The following GBA2 variants were observed in gnomAD, a reference collection of about 807,000 sequenced individuals.
GBA2 encodes non-lysosomal glucosylceramidase.
In GBA2, 79 loss-of-function variants were observed where a neutral mutation model predicts 112.9. The ratio of observed to expected loss-of-function variants is 0.70; its 90% CI spans 0.58 to 0.84. GBA2 has a LOEUF of 0.84. Among genes scored for constraint, GBA2 ranks in the 40% least tolerant of loss-of-function variants. GBA2 has a pLI of 0.00. For missense variants in GBA2, 1,043 were observed against 1,190.0 expected (o/e 0.88, Z 1.82); for synonymous variants, 403 against 434.3 (o/e 0.93, Z 0.90).
chr9:35,738,855 G>T lies in GBA2; in HGVS notation c.1844C>A (p.Ala615Asp). The T allele has an allele frequency of 6.2e-7, 1 of 1,613,808 alleles. No individual in the cohort carries two copies. The highest frequency in any genetic ancestry group is 2.2e-5 in the East Asian group (1 of 44,888). Residue 615 changes from alanine to aspartate, a missense_variant, in exon 12 of 17, where the codon GCT becomes GAT. Ala to Asp is a moderately radical substitution (Grantham distance 126, BLOSUM62 -2). Coordinates refer to ENST00000378103, the MANE Select transcript of GBA2 (RefSeq NM_020944.3). ...CTTCAGGTTCAGGTCCTTCCAATCA[G>T]CAGTATCATGGATTAAATATGCATT... The part of the protein sequence containing the change: ...RVNAYLIHDT[A>D]DWKDLNLKFV...
In GBA2 at chr9:35,744,690, AC is replaced by A; in HGVS notation, c.375del (p.Trp125CysfsTer16). On this transcript the variant is annotated frameshift_variant, in exon 2 of 17. Transcript: ENST00000378103. LOFTEE classifies it high-confidence loss of function. ...IGMGLRYLQW[W>X]YRKTHVEKKT... Reference sequence around the variant, plus strand: ...TTCTTTTCCACATGGGTCTTCCGGTACCACCACTGCAGGTACCTGAGGAGCA... The same window carrying A: ...TTCTTTTCCACATGGGTCTTCCGGTACACCACTGCAGGTACCTGAGGAGCA... 6.2e-7 allele frequency: 1 copy of A among 1,602,350 alleles called. No individual in the cohort carries two copies. Among genetic ancestry groups the A allele is most frequent in the Non-Finnish European group, 8.6e-7 (1 of 1,169,266 alleles).
intron 3 of GBA2, 175 bp from the exon 4 acceptor site, chr9:35,742,065 CATCT>C (rs1826723662): frequency 4.8e-6 from 3 of 630,794 alleles, no homozygotes; most frequent in East Asian, 2.7e-5. Flanking sequence ...CCTCCCCATC[CATCT>C]ATCTCCCAAG....
At position 35,740,446 on chromosome 9, in the gene GBA2, T is replaced by C; in HGVS notation, c.1129+80A>G. The C allele has an allele frequency of 6.4e-7, 1 of 1,566,402 alleles. No individual in the cohort carries two copies. Among genetic ancestry groups the C allele is most frequent in the Non-Finnish European group, 8.8e-7 (1 of 1,140,996 alleles). On this transcript the variant is annotated intron_variant, in intron 6 of 16. Coordinates refer to ENST00000378103, the MANE Select transcript of GBA2 (RefSeq NM_020944.3). The surrounding 1 kb of genome is among the most constrained non-coding windows in gnomAD (Gnocchi z 4.7). ...CCCTAACATGGAAACAAGGCCTACT[T>C]ATTACCAGGCCTCCCACCCCTGGTC...
At chr9:35,742,193 T>C (rs1826730550) in intron 3 of GBA2, among the ~76,000 whole-genome samples, 1 of 152,142 alleles carries the variant, frequency 6.6e-6, no homozygotes, top group African/African-American at 2.4e-5. Flanking sequence ...CACAGGCAAA[T>C]CAAGATATGT....
chr9:35,748,305 A>T lies in GBA2; in HGVS notation c.359+41T>A, dbSNP rs773808632. On this transcript the variant is annotated intron_variant, in intron 1 of 16. Transcript: ENST00000378103. ...CTGCTAGAAGTTTTGAGCTGGAACA[A>T]AGTGAAGCCAAAGGCATTCTAGGCA... The T allele has an allele frequency of 9.5e-6, 12 of 1,269,134 alleles. 1 individual carries two copies. The South Asian group carries it at 1.6e-4, about 17-fold the overall frequency. The allele number at this position is 1,269,134 out of a possible 1,614,324, so 78.6% of individuals were successfully genotyped here.
chr9:35,740,684 C>A lies in GBA2; in HGVS notation c.1027-56G>T. 1 of 1,527,874 alleles carries A rather than the reference C, an allele frequency of 6.5e-7. No individual in the cohort carries two copies. The highest frequency in any genetic ancestry group is 9.1e-7 in the Non-Finnish European group (1 of 1,103,916). The allele number at this position is 1,527,874 out of a possible 1,614,324, so 94.6% of individuals were successfully genotyped here. Reference sequence around the variant, plus strand: ...GCTCCACGAGTACACTGGGTCCCGGCTAGCTCCCCAGCTCCTCTTACTTAC... The same window carrying A: ...GCTCCACGAGTACACTGGGTCCCGGATAGCTCCCCAGCTCCTCTTACTTAC... On this transcript the variant is annotated intron_variant, in intron 5 of 16. Transcript: ENST00000378103. This position sits in a 1 kb window ranked among gnomAD's most constrained non-coding sequence, Gnocchi z 4.7.
At chr9:35,745,372 G>A (rs771943544) in intron 1 of GBA2, among the ~76,000 whole-genome samples, 34 of 152,144 alleles carry the variant, frequency 2.2e-4, no homozygotes, top group Non-Finnish European at 4.4e-4. Context: ...TGATCCGCCC[G>A]CCTCGGCCTC....
At chr9:35,743,911 C>CGA (rs1453738886) in intron 3 of GBA2, among the ~76,000 whole-genome samples, 1 of 152,010 alleles carries the variant, frequency 6.6e-6, no homozygotes, top group African/African-American at 2.4e-5. Context: ...GTCTTTTTTT[C>CGA]CCATGAGTTT....
rs1193138650 is a variant in GBA2, at chr9:35,737,861, T to C, written c.2392A>G (p.Met798Val). 2.5e-6 allele frequency: 4 copies of C among 1,613,588 alleles called. No individual in the cohort carries two copies. Among genetic ancestry groups the C allele is most frequent in the African/African-American group, 1.3e-5 (1 of 74,918 alleles). The part of the protein sequence containing the change: ...LNVQAFAGGA[M>V]GAVNGMQPHG... ...GGCTGCATCCCATTCACAGCCCCCA[T>C]GGCCCCTCCTGCAAAGGCCTGGACG... The change falls in exon 16 of 17, where the codon ATG becomes GTG. Residue 798 changes from methionine to valine, a missense_variant. Met to Val is a conservative substitution (Grantham distance 21, BLOSUM62 1). Coordinates refer to ENST00000378103, the MANE Select transcript of GBA2 (RefSeq NM_020944.3). This position sits in a 1 kb window ranked among gnomAD's most constrained non-coding sequence, Gnocchi z 4.1.
chr9:35,748,976 C>G lies in GBA2; in HGVS notation c.-272G>C, dbSNP rs989712963. ...GTCGTCATTGAGCCGACGATTAGCTCGCCCGGCCAAAGGGCGACTGGGCCC... is the reference window on the plus strand; with the variant it reads ...GTCGTCATTGAGCCGACGATTAGCTGGCCCGGCCAAAGGGCGACTGGGCCC... On this transcript the variant is annotated 5_prime_UTR_variant, in exon 1 of 17. Coordinates refer to ENST00000378103, the MANE Select transcript of GBA2 (RefSeq NM_020944.3). 6.3e-6 allele frequency: 2 copies of G among 319,050 alleles called. No homozygotes were observed. The highest frequency in any genetic ancestry group is 4.3e-5 in the African/African-American group (2 of 46,492). 19.8% of individuals were successfully genotyped at this position (319,050 alleles called of 1,614,324 possible).
At chr9:35,745,395 G>A (rs969259585) in intron 1 of GBA2, among the ~76,000 whole-genome samples, 19 of 152,126 alleles carry the variant, frequency 1.2e-4, no homozygotes, top group African/African-American at 4.3e-4. Flanking sequence ...AAAGTGCTGG[G>A]ATTAGAGGCG....
Position 35,738,046 on chromosome 9 carries a change from T to G in GBA2, c.2304A>C (p.Gly768=), listed in dbSNP as rs745609492. The change falls in exon 15 of 17, where the codon GGA becomes GGC. Residue 768 remains glycine (G), a synonymous_variant. Coordinates refer to ENST00000378103, the MANE Select transcript of GBA2 (RefSeq NM_020944.3). ...WFLKACGLGE[G]DTEVFPTQHV... ...CCTCCTCCTCTCTCACCTCAGTGTCTCCTTCTCCTAGGCCACAGGCCTTCA... is the reference window on the plus strand; with the variant it reads ...CCTCCTCCTCTCTCACCTCAGTGTCGCCTTCTCCTAGGCCACAGGCCTTCA... The G allele has an allele frequency of 6.2e-7, 1 of 1,608,376 alleles. No individual in the cohort carries two copies. The highest frequency in any genetic ancestry group is 2.2e-5 in the East Asian group (1 of 44,764).
In GBA2 at chr9:35,746,981, G is replaced by C. The variant is rs934102129; in HGVS notation, c.359+1365C>G. Reference sequence around the variant, plus strand: ...GTGCCCACAGTTCAGCTCCATCTTAGGAGCTCTCTTACTCCCTTAATATGG... The same window carrying C: ...GTGCCCACAGTTCAGCTCCATCTTACGAGCTCTCTTACTCCCTTAATATGG... On this transcript the variant is annotated intron_variant, in intron 1 of 16. Transcript: ENST00000378103. The surrounding 1 kb of genome is among the most constrained non-coding windows in gnomAD (Gnocchi z 5.2). Among the ~76,000 whole-genome samples the C allele has an allele frequency of 5.9e-5, 9 of 152,130 alleles. No individual in the cohort carries two copies. The highest frequency in any genetic ancestry group is 3.3e-4 in the Admixed American group (5 of 15,280).
rs1299275851 is a variant in GBA2 at position 35,737,620 on chromosome 9, G to A, written c.2505+128C>T. On this transcript the variant is annotated intron_variant, in intron 16 of 16. Coordinates refer to ENST00000378103, the MANE Select transcript of GBA2 (RefSeq NM_020944.3). This position sits in a 1 kb window ranked among gnomAD's most constrained non-coding sequence, Gnocchi z 4.1. ...AAGGCAGGAGCTGGAATGCATACCA[G>A]GGAAAAATGGGAGGCTTTATAGACG... is the stretch of plus-strand genomic sequence containing the variant. 1 of 1,581,338 alleles carries A rather than the reference G, an allele frequency of 6.3e-7. No individual in the cohort carries two copies. Among genetic ancestry groups the A allele is most frequent in the Non-Finnish European group, 8.6e-7 (1 of 1,162,652 alleles).
chr9:35,737,200 T>C lies in GBA2; in HGVS notation c.2753A>G (p.Lys918Arg). The change falls in exon 17 of 17, where the codon AAG becomes AGG. Residue 918 changes from lysine (K) to arginine (R), a missense_variant. By Grantham distance (26) the Lys-to-Arg change is conservative. Coordinates refer to ENST00000378103, the MANE Select transcript of GBA2 (RefSeq NM_020944.3). This position sits in a 1 kb window ranked among gnomAD's most constrained non-coding sequence, Gnocchi z 4.1. The part of the protein sequence containing the change: ...GLRTGPMFGP[K>R]EAMANLSPE ...TGGGCTCAGGTTTGCCATGGCTTCC[T>C]TTGGTCCAAACATAGGCCCTGTCCT... 6.2e-7 allele frequency: 1 copy of C among 1,610,500 alleles called. No individual in the cohort carries two copies.
rs757341992 is a variant in GBA2, at chr9:35,740,083, G to C, written c.1324C>G (p.Pro442Ala). 3.7e-6 allele frequency: 6 copies of C among 1,614,002 alleles called. No individual in the cohort carries two copies. Among genetic ancestry groups the C allele is most frequent in the Non-Finnish European group, 5.1e-6 (6 of 1,179,998 alleles). Residue 442 changes from proline (P) to alanine (A), a missense_variant, in exon 8 of 17, where the codon CCT becomes GCT. Physicochemically the swap from Pro to Ala is conservative, Grantham distance 27. Transcript: ENST00000378103. The surrounding 1 kb of genome is among the most constrained non-coding windows in gnomAD (Gnocchi z 4.7). ...CACAGTGCATAGTGGCTGAGGGCAG[G>C]TGCTGCATCTCCATCCTGGCCAAAG... ...RFFGQDGDAA[P>A]ALSHYALCRY... is the part of the protein sequence containing the mutation.
chr9:35,748,760 T>C lies in GBA2; in HGVS notation c.-56A>G, dbSNP rs370614209. On this transcript the variant is annotated 5_prime_UTR_variant, in exon 1 of 17. Transcript: ENST00000378103. The stretch of plus-strand genomic sequence containing the variant: ...GGATACTAAGTATCTCGCCAGCCTA[T>C]TCCAGATGCGGGCGCCGGTCGTTGT... 2.1e-4 allele frequency: 236 copies of C among 1,126,052 alleles called. No individual in the cohort carries two copies. In the East Asian group the frequency reaches 5.7e-3, roughly 27 times the overall value. The allele number at this position is 1,126,052 out of a possible 1,614,324, so 69.8% of individuals were successfully genotyped here.
chr9:35,737,213 T>C lies in GBA2; in HGVS notation c.2740A>G (p.Met914Val), dbSNP rs772120225. 2 of 1,612,206 alleles carry C rather than the reference T, an allele frequency of 1.2e-6. No homozygotes were observed. Among genetic ancestry groups the C allele is most frequent in the Admixed American group, 1.7e-5 (1 of 60,012 alleles). The change falls in exon 17 of 17, where the codon ATG (methionine) becomes GTG (valine). Residue 914 changes from methionine to valine, a missense_variant. By Grantham distance (21) the Met-to-Val change is conservative. Coordinates refer to ENST00000378103, the MANE Select transcript of GBA2 (RefSeq NM_020944.3). The surrounding 1 kb of genome is among the most constrained non-coding windows in gnomAD (Gnocchi z 4.1). Reference sequence around the variant, plus strand: ...GCCATGGCTTCCTTTGGTCCAAACATAGGCCCTGTCCTTAGTCCTGTGCCC... The same window carrying C: ...GCCATGGCTTCCTTTGGTCCAAACACAGGCCCTGTCCTTAGTCCTGTGCCC... ...KQGTGLRTGPMFGPKEAMANL... is the reference protein window; with the variant it reads ...KQGTGLRTGPVFGPKEAMANL...
At position 35,740,562 on chromosome 9, in the gene GBA2, C is replaced by G; in HGVS notation, c.1093G>C (p.Asp365His). The G allele has an allele frequency of 6.2e-7, 1 of 1,613,952 alleles. No homozygotes were observed. Among genetic ancestry groups the G allele is most frequent in the Non-Finnish European group, 8.5e-7 (1 of 1,179,846 alleles). The change falls in exon 6 of 17, where the codon GAT (aspartate) becomes CAT (histidine). Residue 365 changes from aspartate to histidine, a missense_variant. By Grantham distance (81) the Asp-to-His change is moderately conservative. Coordinates refer to ENST00000378103, the MANE Select transcript of GBA2 (RefSeq NM_020944.3). This position sits in a 1 kb window ranked among gnomAD's most constrained non-coding sequence, Gnocchi z 4.7. ...TCCAGCTGTCCATCCTGAAGTAGAT[C>G]CTGCCACACCTGCTGCCCCGTGCTG... ...PDSTGQQVWQDLLQDGQLDSP... is the reference protein window; with the variant it reads ...PDSTGQQVWQHLLQDGQLDSP...
Sources: allele counts gnomAD v4.1 joint callset (sites outside exome capture counted in the v4.1 genomes callset), GRCh38; gene constraint gnomAD v4.1.1; non-coding constraint Gnocchi (gnomAD v3.1); transcripts MANE v1.5; gene names NCBI Gene and HGNC (gene_info 2026-07-23, HGNC 2026-07-21).